The following BLTP1 variants were observed in gnomAD, a reference collection of about 807,000 sequenced individuals.
BLTP1 encodes the protein fragile site-associated protein.
the BLTP1 span, chr4:122,348,631 C>T: frequency 4.3e-6 from 7 of 1,611,256 alleles, no homozygotes; most frequent in South Asian, 3.3e-5. Context: ...AACAAGGGAC[C>T]CCATGGGAAA....
the BLTP1 span, chr4:122,175,994 G>T: frequency 1.3e-6 from 1 of 781,418 alleles, no homozygotes; most frequent in South Asian, 1.5e-5. Flanking sequence ...AATTAGATAT[G>T]ACCAGTTAGA....
the BLTP1 span, chr4:122,286,339 G>T: frequency 3.2e-6 from 2 of 618,912 alleles, no homozygotes; most frequent in Non-Finnish European, 4.0e-6. Flanking sequence ...TAATAATACT[G>T]GCTTAATAAT....
chr4:122,214,043 A>T, the BLTP1 span: 1 of 190,098 alleles, frequency 5.3e-6, no homozygotes, highest in African/African-American at 2.4e-5. Flanking sequence ...AATCTTGAAC[A>T]GAAACCTGGC....
chr4:122,198,113 G>A, the BLTP1 span: 1 of 985,282 alleles, frequency 1.0e-6, no homozygotes, highest in Non-Finnish European at 1.2e-6. Flanking sequence ...GCAGAGGGTT[G>A]ACTACGTTCA....
chr4:122,359,862 C>T, the BLTP1 span: 2 of 1,367,900 alleles, frequency 1.5e-6, no homozygotes, highest in Non-Finnish European at 1.9e-6. Flanking sequence ...CTTCTGTGTG[C>T]TGTCTTTGCT....
chr4:122,182,415 A>G, the BLTP1 span, among the ~76,000 whole-genome samples: 6 of 152,084 alleles, frequency 3.9e-5, no homozygotes, highest in Non-Finnish European at 8.8e-5. Context: ...ACAGTTTCCA[A>G]ATCATCCCCT....
At chr4:122,249,950 A>T in the BLTP1 span, 79 of 981,346 alleles carry the variant, frequency 8.1e-5, no homozygotes, top group Non-Finnish European at 9.3e-5. Context: ...ATATAAAGCC[A>T]CCCAATTTTT....
the BLTP1 span, chr4:122,230,262 A>G: frequency 2.0e-6 from 3 of 1,479,830 alleles, no homozygotes; most frequent in African/African-American, 4.2e-5. Context: ...GATGAAAAAA[A>G]CTAGATAATT....
At chr4:122,182,388 T>C in the BLTP1 span, among the ~76,000 whole-genome samples, 1 of 152,164 alleles carries the variant, frequency 6.6e-6, no homozygotes, top group Non-Finnish European at 1.5e-5. Flanking sequence ...CTGCCAGGTG[T>C]TCAGGGTCCT....
chr4:122,160,379 A>T, the BLTP1 span, among the ~76,000 whole-genome samples: 4 of 152,168 alleles, frequency 2.6e-5, no homozygotes, highest in Non-Finnish European at 4.4e-5. Context: ...TTGTGTCATG[A>T]TGGGAGCAAT....
the BLTP1 span, chr4:122,355,680 ATTCT>A: frequency 9.6e-7 from 1 of 1,043,008 alleles, no homozygotes; most frequent in South Asian, 2.5e-5. Context: ...ATATAATGTG[ATTCT>A]TTCCAACTTT....
the BLTP1 span, chr4:122,350,298 T>C: frequency 9.1e-6 from 9 of 985,096 alleles, no homozygotes; most frequent in Non-Finnish European, 1.1e-5. Flanking sequence ...CTGCAGTGCA[T>C]CTGCATCCAT....
the BLTP1 span, chr4:122,315,787 T>C: frequency 1.0e-4 from 112 of 1,090,782 alleles, no homozygotes; most frequent in East Asian, 2.7e-3. Context: ...AGTTGCTATT[T>C]GTGGAGGAAG....
At chr4:122,194,104 C>T in the BLTP1 span, among the ~76,000 whole-genome samples, 14 of 152,104 alleles carry the variant, frequency 9.2e-5, no homozygotes, top group Non-Finnish European at 1.6e-4. Context: ...CCTCGTGATC[C>T]GCCCGCTTCG....
the BLTP1 span, chr4:122,175,915 G>A: frequency 7.3e-7 from 1 of 1,374,340 alleles, no homozygotes. Context: ...AAGCAACATG[G>A]TGAGTTTTCA....
At chr4:122,290,958 A>G in the BLTP1 span, 1 of 860,960 alleles carries the variant, frequency 1.2e-6, no homozygotes, top group Non-Finnish European at 1.4e-6. Context: ...TCTTATGGTA[A>G]AAAAAACAAG....
chr4:122,152,495 T>C, the BLTP1 span: 3 of 985,672 alleles, frequency 3.0e-6, no homozygotes, highest in Middle Eastern at 5.2e-4. Context: ...TCGGTGCTGC[T>C]GCCGTCGCCG....
At chr4:122,303,215 A>T in the BLTP1 span, among the ~76,000 whole-genome samples, 1 of 152,178 alleles carries the variant, frequency 6.6e-6, no homozygotes, top group African/African-American at 2.4e-5. Flanking sequence ...AATTACGCTA[A>T]ATCTCTGCCT....
At chr4:122,175,989 G>T in the BLTP1 span, 17 of 801,726 alleles carry the variant, frequency 2.1e-5, no homozygotes, top group Non-Finnish European at 3.0e-5. Context: ...ATTAAAATTA[G>T]ATATGACCAG....
Sources: allele counts gnomAD v4.1 joint callset (sites outside exome capture counted in the v4.1 genomes callset), GRCh38; gene constraint gnomAD v4.1.1; transcripts MANE v1.5; gene names NCBI Gene and HGNC (gene_info 2026-07-23, HGNC 2026-07-21).